Variants in ABCA4 observed in about 807,000 individuals in gnomAD.
ABCA4 encodes ATP binding cassette subfamily A member 4, also known as retinal-specific phospholipid-transporting ATPase ABCA4.
ABCA4 carries 196 observed loss-of-function variants against 263.7 expected under a neutral mutation model. The observed-to-expected ratio is 0.74, with a 90% CI of 0.66 to 0.84. ABCA4 has a LOEUF of 0.84. ABCA4 is among the 40% of genes least tolerant of loss of function. ABCA4 has a pLI of 0.00. For synonymous variants in ABCA4, 1,133 were observed against 1,094.2 expected (o/e 1.04, Z -0.70); for missense variants, 2,792 against 2,855.1 (o/e 0.98, Z 0.50).
At chr1:94,062,511 C>T in intron 13 of ABCA4, 66 bp downstream of exon 13, 1 of 1,525,766 alleles carries the variant, frequency 6.6e-7, no homozygotes, top group Non-Finnish European at 9.0e-7. Flanking sequence ...ACCCCCAGCC[C>T]ACCCCAGCCC....
rs372751768 is a variant in ABCA4 at position 94,093,196 on chromosome 1, C to T, written c.768+5598G>A. On this transcript the variant is annotated intron_variant, in intron 6 of 49. Coordinates refer to ENST00000370225, the MANE Select transcript of ABCA4 (RefSeq NM_000350.3). ...TTCATAAACAGAGTTAAGGAAGAAT[C>T]GGTGTATATTGAGACCGCTTACTAA... Among the ~76,000 whole-genome samples, 111 of 152,180 alleles carry T rather than the reference C, an allele frequency of 7.3e-4. 1 individual carries two copies. In the South Asian group the frequency reaches 0.02, roughly 27 times the overall value.
chr1:94,007,289 G>C (rs4147859), intron 43 of ABCA4, among the ~76,000 whole-genome samples: 12,685 of 150,738 alleles, frequency 0.084, 562 homozygotes, highest in African/African-American at 0.13. Context: ...GGAGGTAATG[G>C]GAAGCAATGG....
In ABCA4 at chr1:94,108,564, C is replaced by G. The variant is rs760812517; in HGVS notation, c.442+13G>C. 3.7e-6 allele frequency: 6 copies of G among 1,613,130 alleles called. No homozygotes were observed. The highest frequency in any genetic ancestry group is 5.1e-6 in the Non-Finnish European group (6 of 1,179,860). On this transcript the variant is annotated intron_variant, in intron 4 of 49. Transcript: ENST00000370225. ...AGGGAAATGATGCTTGAGAGCACTGCAGTCATGCTTACCTGCAATTCTCTC... is the reference window on the plus strand; with the variant it reads ...AGGGAAATGATGCTTGAGAGCACTGGAGTCATGCTTACCTGCAATTCTCTC...
At chr1:94,074,350 A>T (rs1661482904) in intron 11 of ABCA4, among the ~76,000 whole-genome samples, 1 of 152,212 alleles carries the variant, frequency 6.6e-6, no homozygotes, top group Non-Finnish European at 1.5e-5. Context: ...CTTACACCTT[A>T]TACAAAAATT....
chr1:94,048,666 C>T (rs1050739079), intron 18 of ABCA4, among the ~76,000 whole-genome samples: 3 of 152,170 alleles, frequency 2.0e-5, no homozygotes, highest in South Asian at 2.1e-4. Flanking sequence ...AGGAAATATG[C>T]GCTAATGTCT....
At position 94,102,964 on chromosome 1, in the gene ABCA4, C is replaced by T. The variant is rs1341066925; in HGVS notation, c.570+51G>A. 4 of 1,613,242 alleles carry T rather than the reference C, an allele frequency of 2.5e-6. No individual in the cohort carries two copies. In the East Asian group the frequency reaches 8.9e-5, roughly 36 times the overall value. On this transcript the variant is annotated intron_variant, in intron 5 of 49. Transcript: ENST00000370225. ...CAATATATTTCTTGCCTTTCTCAGG[C>T]TGGGTGCTTCCCTCCCCTCCAGGGA...
chr1:94,119,674 G>T (rs543649157), intron 1 of ABCA4, among the ~76,000 whole-genome samples: 2 of 152,148 alleles, frequency 1.3e-5, no homozygotes, highest in African/African-American at 4.8e-5. Flanking sequence ...CAGCCCTAGG[G>T]GTGGGAGCTG....
At chr1:94,041,644 G>A (rs1660490467) in intron 22 of ABCA4, among the ~76,000 whole-genome samples, 1 of 152,174 alleles carries the variant, frequency 6.6e-6, no homozygotes, top group Non-Finnish European at 1.5e-5. Context: ...TCCAGCATAG[G>A]ATCTGATTCA....
intron 4 of ABCA4, among the ~76,000 whole-genome samples, chr1:94,107,800 A>G (rs1398972476): frequency 1.3e-5 from 2 of 152,082 alleles, no homozygotes; most frequent in African/African-American, 2.4e-5. Context: ...CTGAATTCAC[A>G]TATTTCACTT....
chr1:93,994,253 C>G (rs2100983497), intron 49 of ABCA4, among the ~76,000 whole-genome samples: 1 of 152,336 alleles, frequency 6.6e-6, no homozygotes, highest in South Asian at 2.1e-4. Context: ...TCTATTAACA[C>G]CTTGACCCTC....
At chr1:94,021,609 C>T in intron 34 of ABCA4, 31 bp downstream of exon 34, 1 of 1,584,422 alleles carries the variant, frequency 6.3e-7, no homozygotes, top group Non-Finnish European at 8.7e-7. Context: ...AAATTTTTAG[C>T]TCCAGAGCAG....
At chr1:94,033,939 A>G (rs1660274222) in intron 26 of ABCA4, among the ~76,000 whole-genome samples, 2 of 151,766 alleles carry the variant, frequency 1.3e-5, no homozygotes, top group African/African-American at 2.4e-5. Flanking sequence ...TATCATCTCA[A>G]ACCTCTGAGC....
intron 11 of ABCA4, among the ~76,000 whole-genome samples, chr1:94,069,912 T>C (rs1383924655): frequency 6.6e-6 from 1 of 151,928 alleles, no homozygotes; most frequent in African/African-American, 2.4e-5. Context: ...GTCTCTAAAA[T>C]AAACAACTTA....
chr1:94,076,194 A>G (rs900853348), intron 11 of ABCA4, among the ~76,000 whole-genome samples: 1 of 152,188 alleles, frequency 6.6e-6, no homozygotes, highest in African/African-American at 2.4e-5. Flanking sequence ...AGGCCTCCCA[A>G]TCAGAGTACA....
In ABCA4 at chr1:94,038,137, G is replaced by C. The variant is rs55746011; in HGVS notation, c.3608-787C>G. Among the ~76,000 whole-genome samples, 389 of 150,190 alleles carry C rather than the reference G, an allele frequency of 2.6e-3. 2 individuals carry two copies. The highest frequency in any genetic ancestry group is 8.7e-3 in the African/African-American group (345 of 39,658). ...TCCTCAGGTCACAGGAAATGCAGAGGGGGGGTTGAGAAGCCATGGAGAGAG... is the reference window on the plus strand; with the variant it reads ...TCCTCAGGTCACAGGAAATGCAGAGCGGGGGTTGAGAAGCCATGGAGAGAG... On this transcript the variant is annotated intron_variant, in intron 24 of 49. Transcript: ENST00000370225.
intron 6 of ABCA4, among the ~76,000 whole-genome samples, chr1:94,084,054 T>C (rs1481323039): frequency 2.0e-5 from 3 of 152,210 alleles, no homozygotes; most frequent in African/African-American, 7.2e-5. Context: ...CCATGTGAAC[T>C]CACCACTGCT....
At chr1:94,032,971 T>A (rs1251773844) in intron 26 of ABCA4, among the ~76,000 whole-genome samples, 1 of 151,290 alleles carries the variant, frequency 6.6e-6, no homozygotes, top group South Asian at 2.2e-4. Flanking sequence ...TCAGAGTCGA[T>A]GTGGTTCTTT....
chr1:94,100,011 A>C (rs1031208058), intron 5 of ABCA4, among the ~76,000 whole-genome samples: 3 of 152,274 alleles, frequency 2.0e-5, no homozygotes, highest in Admixed American at 1.3e-4. Flanking sequence ...TTGGACAGAC[A>C]CTGAGTACCG....
chr1:94,118,410 G>A (rs1662859646), intron 1 of ABCA4, among the ~76,000 whole-genome samples: 1 of 152,202 alleles, frequency 6.6e-6, no homozygotes, highest in African/African-American at 2.4e-5. Flanking sequence ...GGAGGTTTGA[G>A]GGAAAACCTG....
Sources: gnomAD v4.1 joint callset for allele counts (sites outside exome capture counted in the v4.1 genomes callset) on GRCh38, gnomAD v4.1.1 for gene constraint, MANE v1.5 for transcripts, NCBI Gene and HGNC (gene_info 2026-07-23, HGNC 2026-07-21) for gene names.